The following FGF12 variants were observed in gnomAD, a reference collection of about 807,000 sequenced individuals.
FGF12 encodes the protein fibroblast growth factor 12.
A neutral mutation model predicts 23.6 loss-of-function variants in FGF12; 14 were observed. That is an observed-to-expected ratio of 0.59 (90% CI 0.39 to 0.93). The LOEUF (loss-of-function observed/expected upper bound fraction) is 0.93, where lower values mean the gene tolerates loss of function less well. FGF12 is among the 40% of genes least tolerant of loss of function. The probability of loss-of-function intolerance (pLI) is 0.00; values close to 1 mark genes in which losing one functional copy is unlikely to be tolerated. For missense variants in FGF12, 175 were observed against 217.8 expected, an observed-to-expected ratio of 0.80 and a Z score of 1.24; for synonymous variants, 62 against 77.3, an observed-to-expected ratio of 0.80 and a Z score of 1.04.
chr3:192,223,649 C>T (rs896120319), intron 4 of FGF12, among the ~76,000 whole-genome samples: 1 of 151,892 alleles, frequency 6.6e-6, no homozygotes, highest in Admixed American at 6.6e-5. Flanking sequence ...TATCCAGGCT[C>T]GGATGATAAA....
intron 2 of FGF12, among the ~76,000 whole-genome samples, chr3:192,402,133 A>T (rs1234658742): frequency 6.6e-6 from 1 of 152,222 alleles, no homozygotes; most frequent in Non-Finnish European, 1.5e-5. Context: ...AAACAAACAA[A>T]AAGATTAAAT....
At chr3:192,650,927 C>A (rs560058837) in intron 2 of FGF12, among the ~76,000 whole-genome samples, 1 of 151,978 alleles carries the variant, frequency 6.6e-6, no homozygotes, top group Non-Finnish European at 1.5e-5. Flanking sequence ...TTTCATTGAC[C>A]AACATTTAAT....
intron 2 of FGF12, among the ~76,000 whole-genome samples, chr3:192,712,359 T>C (rs1193704416): frequency 1.3e-5 from 2 of 151,616 alleles, no homozygotes; most frequent in Admixed American, 1.3e-4. Flanking sequence ...GATTAAAGAA[T>C]TAAAGAAAAA....
chr3:192,365,184 G>A (rs1007588849), intron 2 of FGF12, among the ~76,000 whole-genome samples: 1 of 151,578 alleles, frequency 6.6e-6, no homozygotes, highest in Non-Finnish European at 1.5e-5. Context: ...ATGCATCATA[G>A]GCCCGTTTCG....
At chr3:192,492,187 C>A (rs1282340175) in intron 2 of FGF12, among the ~76,000 whole-genome samples, 1 of 152,110 alleles carries the variant, frequency 6.6e-6, no homozygotes, top group Non-Finnish European at 1.5e-5. Context: ...AACACCTGAT[C>A]AATACTTAAG....
chr3:192,534,402 A>C (rs1272700278), intron 2 of FGF12, among the ~76,000 whole-genome samples: 1 of 152,002 alleles, frequency 6.6e-6, no homozygotes, highest in East Asian at 1.9e-4. Flanking sequence ...CTTTATTTTT[A>C]TTTTTATTTT....
intron 2 of FGF12, among the ~76,000 whole-genome samples, chr3:192,598,590 G>A (rs1490631623): frequency 6.6e-6 from 1 of 152,140 alleles, no homozygotes; most frequent in Non-Finnish European, 1.5e-5. Context: ...TGTATACAAA[G>A]CTGCTGGAGA....
intron 2 of FGF12, among the ~76,000 whole-genome samples, chr3:192,427,314 G>A (rs1721718877): frequency 6.6e-6 from 1 of 151,722 alleles, no homozygotes; most frequent in Admixed American, 6.6e-5. Flanking sequence ...CCAGGAGGCA[G>A]AGGTTGCAGT....
At chr3:192,559,258 C>G (rs1711913476) in intron 2 of FGF12, among the ~76,000 whole-genome samples, 1 of 151,944 alleles carries the variant, frequency 6.6e-6, no homozygotes, top group Non-Finnish European at 1.5e-5. Context: ...GCAAAACCAA[C>G]AGATAACCCA....
rs3732883 is a variant in FGF12 at position 192,144,126 on chromosome 3, C to T, written c.429G>A (p.Val143=). The T allele has an allele frequency of 1.9e-4, 308 of 1,583,644 alleles. 1 individual carries two copies. The East Asian group carries it at 6.3e-3, about 33-fold the overall frequency. Residue 143 remains valine (V), a splice_region_variant and synonymous_variant, in exon 6 of 6, where the codon GTG becomes GTA. Transcript: ENST00000445105. The part of the protein sequence containing the change: ...SSHFVPKPIE[V]CMYREPSLHE... ...GTAGCGATGGTTCTCTGTACATACA[C>T]ACTGAAAGGCAAAATAACAAAAATT...
chr3:192,304,634 T>C (rs1452377304), intron 4 of FGF12, among the ~76,000 whole-genome samples: 3 of 152,200 alleles, frequency 2.0e-5, no homozygotes, highest in Admixed American at 6.5e-5. Flanking sequence ...TTATCGCATA[T>C]ACCATACTTT....
At chr3:192,450,104 A>ACAAAGCCAAGAC (rs1302995634) in intron 2 of FGF12, among the ~76,000 whole-genome samples, 5 of 152,206 alleles carry the variant, frequency 3.3e-5, no homozygotes, top group Non-Finnish European at 7.3e-5. Context: ...AGTAGCAGAG[A>ACAAAGCCAAGAC]CAAAGCCAAG....
chr3:192,239,146 G>A lies in FGF12; in HGVS notation c.229-68490C>T, dbSNP rs78981326. Reference sequence around the variant, plus strand: ...GTACATGGCCCAAAATATAAATTGAGCCCAAAAAATATCTGCAGGATACAT... The same window carrying A: ...GTACATGGCCCAAAATATAAATTGAACCCAAAAAATATCTGCAGGATACAT... On this transcript the variant is annotated intron_variant, in intron 4 of 5. Coordinates refer to ENST00000445105, the MANE Select transcript of FGF12 (RefSeq NM_004113.6). Among the ~76,000 whole-genome samples, 918 of 152,184 alleles carry A rather than the reference G, an allele frequency of 6.0e-3. 8 individuals carry two copies. Among genetic ancestry groups the A allele is most frequent in the African/African-American group, 0.021 (866 of 41,524 alleles).
chr3:192,172,363 G>C (rs1715615419), intron 4 of FGF12, among the ~76,000 whole-genome samples: 1 of 150,126 alleles, frequency 6.7e-6, no homozygotes, highest in Admixed American at 6.7e-5. Context: ...ACTCCAGCTT[G>C]GGTGACACAG....
chr3:192,407,075 C>T (rs948614466), intron 2 of FGF12, among the ~76,000 whole-genome samples: 1 of 152,222 alleles, frequency 6.6e-6, no homozygotes, highest in Non-Finnish European at 1.5e-5. Context: ...CTTCCATTCT[C>T]TCAAGCTGGG....
At chr3:192,512,859 T>TATATATATATATATATATATAAAA (rs376386122) in intron 2 of FGF12, among the ~76,000 whole-genome samples, 2 of 57,402 alleles carry the variant, frequency 3.5e-5, no homozygotes, top group African/African-American at 1.3e-4. Context: ...TATATATATA[T>TATATATATATATATATATATAAAA]AACAGGCTAT....
intron 2 of FGF12, among the ~76,000 whole-genome samples, chr3:192,701,972 T>C (rs7637625): frequency 0.037 from 5,585 of 152,222 alleles, 369 homozygotes; most frequent in African/African-American, 0.13. Context: ...TTCAAACTTA[T>C]TCATCCTACA....
chr3:192,375,587 C>T (rs769330282), intron 2 of FGF12, among the ~76,000 whole-genome samples: 11 of 152,180 alleles, frequency 7.2e-5, no homozygotes, highest in African/African-American at 1.2e-4. Flanking sequence ...AAGAAATGCT[C>T]GTCATAAGAT....
intron 2 of FGF12, among the ~76,000 whole-genome samples, chr3:192,566,539 G>T (rs1403306450): frequency 6.6e-6 from 1 of 152,162 alleles, no homozygotes; most frequent in African/African-American, 2.4e-5. Context: ...GGAAATGTTA[G>T]AATTCAAATA....
Sources: allele counts gnomAD v4.1 joint callset (sites outside exome capture counted in the v4.1 genomes callset), GRCh38; gene constraint gnomAD v4.1.1; transcripts MANE v1.5; gene names NCBI Gene and HGNC (gene_info 2026-07-23, HGNC 2026-07-21).